ABCC1: variants seen among roughly 807,000 people sequenced by gnomAD.
The protein encoded by ABCC1 is multidrug resistance-associated protein 1.
In ABCC1, 83 loss-of-function variants were observed where a neutral mutation model predicts 172.9. The ratio of observed to expected loss-of-function variants is 0.48; its 90% CI spans 0.40 to 0.58. The LOEUF is 0.58. Among genes scored for constraint, ABCC1 ranks in the 20% least tolerant of loss-of-function variants. ABCC1 has a pLI of 0.00. For missense variants in ABCC1, 1,817 were observed against 2,002.7 expected, an observed-to-expected ratio of 0.91 and a Z score of 1.77; for synonymous variants, 937 against 825.2, an observed-to-expected ratio of 1.14 and a Z score of -2.32.
At chr16:16,032,303 A>C (rs2151828945) in intron 5 of ABCC1, among the ~76,000 whole-genome samples, 1 of 152,324 alleles carries the variant, frequency 6.6e-6, no homozygotes, top group South Asian at 2.1e-4. Flanking sequence ...GGGATGATAT[A>C]ATACTTTTAT....
At chr16:16,081,922 G>A (rs2050819798) in intron 16 of ABCC1, among the ~76,000 whole-genome samples, 1 of 152,174 alleles carries the variant, frequency 6.6e-6, no homozygotes, top group Non-Finnish European at 1.5e-5. Flanking sequence ...AGGAGGCTGA[G>A]GAAGGAGAAT....
intron 28 of ABCC1, 64 bp downstream of exon 28, chr16:16,134,572 G>A: frequency 1.3e-6 from 2 of 1,550,486 alleles, no homozygotes; most frequent in Admixed American, 3.5e-5. Context: ...TGCACTGACA[G>A]TGGTGTATGT....
chr16:16,110,116 T>TCC (rs144993477), intron 21 of ABCC1, among the ~76,000 whole-genome samples: 2 of 150,654 alleles, frequency 1.3e-5, no homozygotes, highest in Admixed American at 1.3e-4. Context: ...TTTTTTTTTT[T>TCC]CCCCCTGGAG....
chr16:15,996,962 A>G (rs2047078263), intron 1 of ABCC1, among the ~76,000 whole-genome samples: 1 of 152,152 alleles, frequency 6.6e-6, no homozygotes, highest in South Asian at 2.1e-4. Flanking sequence ...TCGGACTTGG[A>G]CGGGGTCCCC....
chr16:15,962,933 C>G (rs912808469), intron 1 of ABCC1, among the ~76,000 whole-genome samples: 10 of 152,200 alleles, frequency 6.6e-5, no homozygotes, highest in Admixed American at 3.3e-4. Flanking sequence ...AGTCTTAACT[C>G]ATTTCAGCAT....
rs118180597 is a variant in ABCC1, at chr16:16,100,401, G to T, written c.2645-2226G>T. ...CTGCGGCATGCAGCCTCCAGATGGGGGTCCCTGGGAGTGTTCTGGAACATT... is the reference window on the plus strand; with the variant it reads ...CTGCGGCATGCAGCCTCCAGATGGGTGTCCCTGGGAGTGTTCTGGAACATT... On this transcript the variant is annotated intron_variant, in intron 19 of 30. Coordinates refer to ENST00000399410, the MANE Select transcript of ABCC1 (RefSeq NM_004996.4). Among the ~76,000 whole-genome samples, 921 of 152,274 alleles carry T rather than the reference G, an allele frequency of 6.0e-3. 9 individuals carry two copies. Among genetic ancestry groups the T allele is most frequent in the Non-Finnish European group, 0.01 (701 of 68,024 alleles).
chr16:16,111,667 C>T, intron 22 of ABCC1, 85 bp downstream of exon 22: 1 of 1,318,484 alleles, frequency 7.6e-7, no homozygotes, highest in Non-Finnish European at 1.0e-6. Context: ...TTAGAGTCCT[C>T]AGCGTTTTGT....
chr16:16,051,139 G>C (rs1225564389), intron 10 of ABCC1, among the ~76,000 whole-genome samples: 2 of 151,772 alleles, frequency 1.3e-5, no homozygotes, highest in African/African-American at 4.8e-5. Flanking sequence ...TTTGTTGTGG[G>C]GGCTGTCTTT....
chr16:16,099,938 T>G (rs2051651208), intron 19 of ABCC1, among the ~76,000 whole-genome samples: 1 of 151,820 alleles, frequency 6.6e-6, no homozygotes, highest in Non-Finnish European at 1.5e-5. Context: ...ACAAAAGAAT[T>G]AGCCAGGCAC....
At chr16:16,125,224 C>T (rs1180552045) in intron 25 of ABCC1, among the ~76,000 whole-genome samples, 2 of 152,180 alleles carry the variant, frequency 1.3e-5, no homozygotes, top group Non-Finnish European at 2.9e-5. Context: ...CTGCATCTCA[C>T]AAATGATGAT....
intron 20 of ABCC1, among the ~76,000 whole-genome samples, chr16:16,104,763 G>C (rs976241352): frequency 1.3e-5 from 2 of 152,164 alleles, no homozygotes; most frequent in East Asian, 1.9e-4. Flanking sequence ...AGCCCATAGC[G>C]GGGAGGTGGG....
chr16:16,058,641 A>G (rs1233536624), intron 12 of ABCC1, among the ~76,000 whole-genome samples: 1 of 152,104 alleles, frequency 6.6e-6, no homozygotes, highest in African/African-American at 2.4e-5. Context: ...AGAGCTTGTT[A>G]TTATATTTTA....
intron 2 of ABCC1, among the ~76,000 whole-genome samples, chr16:16,009,317 G>C (rs1435476889): frequency 1.3e-5 from 2 of 152,020 alleles, no homozygotes; most frequent in Non-Finnish European, 2.9e-5. Context: ...CTCTCTCTCT[G>C]TATGCATGCT....
intron 11 of ABCC1, 117 bp from the exon 12 acceptor site, chr16:16,055,975 A>G: frequency 1.1e-6 from 1 of 931,082 alleles, no homozygotes. Flanking sequence ...ATCAATATAA[A>G]AAACATTTAC....
chr16:16,019,879 C>T (rs67875268), intron 5 of ABCC1, among the ~76,000 whole-genome samples: 18,547 of 152,132 alleles, frequency 0.12, 1,525 homozygotes, highest in African/African-American at 0.23. Flanking sequence ...TCATCTCCCC[C>T]AGCTCGGCTC....
chr16:16,062,865 T>A (rs895458825), intron 12 of ABCC1, among the ~76,000 whole-genome samples: 2 of 152,156 alleles, frequency 1.3e-5, no homozygotes, highest in Non-Finnish European at 2.9e-5. Context: ...AAACCTGGCA[T>A]TTACCACGTC....
intron 1 of ABCC1, among the ~76,000 whole-genome samples, chr16:15,988,821 C>T (rs2046796399): frequency 6.6e-6 from 1 of 152,052 alleles, no homozygotes; most frequent in South Asian, 2.1e-4. Flanking sequence ...TCATCCAGCA[C>T]TTTGGGAGCC....
chr16:16,054,278 AT>A (rs113260878), intron 11 of ABCC1, among the ~76,000 whole-genome samples: 2,577 of 151,832 alleles, frequency 0.017, 93 homozygotes, highest in African/African-American at 0.059. Flanking sequence ...CCTGGCCATT[AT>A]ATATGTTTTG....
At chr16:16,056,418 G>GAGTGCTGGGATTA in intron 12 of ABCC1, 123 bp downstream of exon 12, 2 of 1,174,516 alleles carry the variant, frequency 1.7e-6, no homozygotes, top group Non-Finnish European at 2.4e-6. Context: ...GGTAATCCCA[G>GAGTGCTGGGATTA]CACTCTGGGA....
Sources: gnomAD v4.1 joint callset for allele counts (sites outside exome capture counted in the v4.1 genomes callset) on GRCh38, gnomAD v4.1.1 for gene constraint, MANE v1.5 for transcripts, NCBI Gene and HGNC (gene_info 2026-07-23, HGNC 2026-07-21) for gene names.